Variants in LRRC37A2 observed in about 807,000 individuals in gnomAD.
LRRC37A2 encodes leucine rich repeat containing 37 member A2.
Under a neutral mutation model 68.8 loss-of-function variants are expected in LRRC37A2, and 9 were observed. The ratio of observed to expected loss-of-function variants is 0.13; its 90% CI spans 0.08 to 0.23. The LOEUF is 0.23. Among genes scored for constraint, LRRC37A2 ranks in the 10% least tolerant of loss-of-function variants. LRRC37A2 has a pLI of 1.00. For synonymous variants in LRRC37A2, 63 were observed against 367.6 expected, an observed-to-expected ratio of 0.17 and a Z score of 9.48; for missense variants, 168 against 950.4, an observed-to-expected ratio of 0.18 and a Z score of 10.82.
At chr17:47,000,549 G>T in the LRRC37A2 span, among the ~76,000 whole-genome samples, 2 of 151,746 alleles carry the variant, frequency 1.3e-5, no homozygotes, top group Non-Finnish European at 2.9e-5. Context: ...TTACTTTTTT[G>T]GGGGAAGCTT....
chr17:46,862,455 T>C, the LRRC37A2 span, among the ~76,000 whole-genome samples: 30 of 152,128 alleles, frequency 2.0e-4, no homozygotes, highest in Non-Finnish European at 3.5e-4. Context: ...TCACCACAAT[T>C]GTTAAAAAAA....
the LRRC37A2 span, among the ~76,000 whole-genome samples, chr17:46,786,610 G>A: frequency 3.9e-5 from 6 of 152,232 alleles, no homozygotes; most frequent in Non-Finnish European, 5.9e-5. Context: ...ACTTTGCTGC[G>A]CAGTTCAGGA....
At chr17:46,545,566 TC>T (rs1167546326) in intron 8 of LRRC37A2, among the ~76,000 whole-genome samples, 1 of 128,556 alleles carries the variant, frequency 7.8e-6, no homozygotes, top group African/African-American at 3.7e-5. Flanking sequence ...TCAATGATAA[TC>T]CTTGTCTGAA....
chr17:46,503,049 A>G, the LRRC37A2 span, among the ~76,000 whole-genome samples: 1 of 150,668 alleles, frequency 6.6e-6, no homozygotes, highest in African/African-American at 2.5e-5. Flanking sequence ...CATCTCTACT[A>G]AAAATACAGA....
the LRRC37A2 span, among the ~76,000 whole-genome samples, chr17:46,856,633 G>A: frequency 2.0e-5 from 3 of 151,918 alleles, no homozygotes; most frequent in South Asian, 2.1e-4. Flanking sequence ...ACAAGTGTGC[G>A]CCACCATGCC....
At chr17:46,789,050 G>A in the LRRC37A2 span, among the ~76,000 whole-genome samples, 3 of 152,362 alleles carry the variant, frequency 2.0e-5, no homozygotes, top group African/African-American at 7.2e-5. Flanking sequence ...CCAGCCTGGT[G>A]TGTGTCTTTA....
At chr17:46,685,480 C>T in the LRRC37A2 span, among the ~76,000 whole-genome samples, 2 of 151,938 alleles carry the variant, frequency 1.3e-5, no homozygotes, top group African/African-American at 4.8e-5. Context: ...GAGATGAACA[C>T]TTGCATATAG....
chr17:46,822,752 C>T, the LRRC37A2 span, among the ~76,000 whole-genome samples: 1 of 152,132 alleles, frequency 6.6e-6, no homozygotes, highest in Non-Finnish European at 1.5e-5. Context: ...TCCAGACAGG[C>T]GGAGGGCGAG....
At chr17:46,986,345 C>A in the LRRC37A2 span, among the ~76,000 whole-genome samples, 3 of 152,046 alleles carry the variant, frequency 2.0e-5, no homozygotes, top group African/African-American at 7.2e-5. Flanking sequence ...GAGGTAATGC[C>A]TGGAAACGGG....
chr17:46,788,524 A>G, the LRRC37A2 span, among the ~76,000 whole-genome samples: 36 of 152,188 alleles, frequency 2.4e-4, no homozygotes, highest in South Asian at 1.2e-3. Flanking sequence ...TTCATCCCTC[A>G]AGGTCCCATG....
the LRRC37A2 span, chr17:46,936,314 A>AGTG: frequency 2.0e-6 from 2 of 985,396 alleles, no homozygotes; most frequent in Non-Finnish European, 2.4e-6. Context: ...ATGAAGAGCC[A>AGTG]GTGGGGGTTA....
At chr17:46,888,635 T>A in the LRRC37A2 span, among the ~76,000 whole-genome samples, 1 of 152,168 alleles carries the variant, frequency 6.6e-6, no homozygotes, top group Non-Finnish European at 1.5e-5. Flanking sequence ...TAGAATCAGC[T>A]GTCTGTCAAG....
the LRRC37A2 span, among the ~76,000 whole-genome samples, chr17:46,384,926 A>G: frequency 3.4e-5 from 1 of 29,496 alleles, no homozygotes; most frequent in East Asian, 5.9e-4. Context: ...TATTAATTTC[A>G]GGTAAGAAGT....
chr17:47,033,404 G>A, the LRRC37A2 span: 1 of 693,472 alleles, frequency 1.4e-6, no homozygotes. Flanking sequence ...ATAAAGGAAA[G>A]AGGTTACTTT....
the LRRC37A2 span, among the ~76,000 whole-genome samples, chr17:46,896,995 G>T: frequency 1.5e-3 from 234 of 152,266 alleles, no homozygotes; most frequent in Non-Finnish European, 2.5e-3. Context: ...ACTCTCCCAC[G>T]TTCCTGAGGG....
chr17:46,786,191 G>A, the LRRC37A2 span, among the ~76,000 whole-genome samples: 1 of 152,050 alleles, frequency 6.6e-6, no homozygotes, highest in Non-Finnish European at 1.5e-5. Context: ...GGTGGGACCT[G>A]GGGAGGAGGA....
At chr17:46,921,565 AT>A in the LRRC37A2 span, among the ~76,000 whole-genome samples, 1 of 152,178 alleles carries the variant, frequency 6.6e-6, no homozygotes, top group South Asian at 2.1e-4. Context: ...ATGGGAGAAA[AT>A]TTTTGCAATC....
chr17:46,919,597 G>A, the LRRC37A2 span, among the ~76,000 whole-genome samples: 1 of 152,070 alleles, frequency 6.6e-6, no homozygotes, highest in Non-Finnish European at 1.5e-5. Context: ...AGATTTTTCT[G>A]ATAGCTTCCA....
chr17:46,919,753 C>G, the LRRC37A2 span, among the ~76,000 whole-genome samples: 1 of 152,122 alleles, frequency 6.6e-6, no homozygotes, highest in Non-Finnish European at 1.5e-5. Context: ...TCGAGACCAG[C>G]CTGACCAACA....
Sources: gnomAD v4.1 joint callset for allele counts (sites outside exome capture counted in the v4.1 genomes callset) on GRCh38, gnomAD v4.1.1 for gene constraint, MANE v1.5 for transcripts, NCBI Gene and HGNC (gene_info 2026-07-23, HGNC 2026-07-21) for gene names.